RABL6: variants seen among roughly 807,000 people sequenced by gnomAD.
RABL6 encodes RAB, member RAS oncogene family like 6.
In RABL6, 28 loss-of-function variants were observed where a neutral mutation model predicts 72.9. That is an observed-to-expected ratio of 0.38 (90% confidence interval 0.28 to 0.53). RABL6 has a LOEUF of 0.53. Among genes scored for constraint, RABL6 ranks in the 20% least tolerant of loss-of-function variants. The pLI is 0.80. For missense variants in RABL6, 1,029 were observed against 1,008.4 expected, an observed-to-expected ratio of 1.02 and a Z score of -0.28; for synonymous variants, 477 against 421.2, an observed-to-expected ratio of 1.13 and a Z score of -1.62.
chr9:136,813,363 G>GT, intron 1 of RABL6: 3 of 943,832 alleles, frequency 3.2e-6, no homozygotes, highest in East Asian at 5.3e-5. Context: ...TTTCTGAAGA[G>GT]TTTCTTCTGT....
chr9:136,837,817 G>A, intron 9 of RABL6, 45 bp from the exon 10 acceptor site: 1 of 1,543,760 alleles, frequency 6.5e-7, no homozygotes, highest in Non-Finnish European at 8.7e-7. Context: ...GGTGCAGTGA[G>A]GGTTCTGGTG....
intron 1 of RABL6, among the ~76,000 whole-genome samples, chr9:136,810,581 T>G (rs931688070): frequency 6.6e-6 from 1 of 152,182 alleles, no homozygotes; most frequent in Non-Finnish European, 1.5e-5. Context: ...TTGCTGTGTC[T>G]CCCAGGCTGG....
Position 136,808,172 on chromosome 9 carries a change from C to A in RABL6, c.-25C>A. The A allele has an allele frequency of 6.7e-7, 1 of 1,485,100 alleles. No homozygotes were observed. Among genetic ancestry groups the A allele is most frequent in the Non-Finnish European group, 9.0e-7 (1 of 1,115,678 alleles). 92.0% of individuals were successfully genotyped at this position (1,485,100 alleles called of 1,614,324 possible). A position where few individuals can be genotyped will look rare whatever the true frequency, so the allele number is the denominator to read the frequency against. Reference sequence around the variant, plus strand: ...CGCCGCTGAGCTCGCCGGCCGCGCCCGGGCTGGGACGTCCGAGCGGGAAGA... The same window carrying A: ...CGCCGCTGAGCTCGCCGGCCGCGCCAGGGCTGGGACGTCCGAGCGGGAAGA... On this transcript the variant is annotated 5_prime_UTR_variant, in exon 1 of 15. Transcript: ENST00000311502.
At chr9:136,834,013 G>C (rs539784618) in intron 7 of RABL6, 71 of 1,488,112 alleles carry the variant, frequency 4.8e-5, no homozygotes, top group Non-Finnish European at 6.4e-5. Flanking sequence ...CGGGACCCTG[G>C]ACAGAGTCTT....
chr9:136,839,563 A>G, intron 12 of RABL6, 77 bp downstream of exon 12: 5 of 1,557,120 alleles, frequency 3.2e-6, no homozygotes, highest in Non-Finnish European at 4.4e-6. Flanking sequence ...GGGTGGGTGC[A>G]GTGGGAGGAG....
Position 136,828,548 on chromosome 9 carries a change from T to G in RABL6, c.366+2T>G. 6.2e-7 allele frequency: 1 copy of G among 1,613,046 alleles called. No homozygotes were observed. Among genetic ancestry groups the G allele is most frequent in the Non-Finnish European group, 8.5e-7 (1 of 1,179,704 alleles). On this transcript the variant is annotated splice_donor_variant, in intron 4 of 14. Coordinates refer to ENST00000311502, the MANE Select transcript of RABL6 (RefSeq NM_024718.5). LOFTEE classifies it high-confidence loss of function. ...AAGATGGAGAACGACCCCCAGGAGG[T>G]GAGTGCCAGGTACACAGTGGGTAGC...
Position 136,836,039 on chromosome 9 carries a change from G to C in RABL6, c.809+194G>C, listed in dbSNP as rs559325811. The C allele has an allele frequency of 8.3e-4, 481 of 582,906 alleles. 1 individual carries two copies. Among genetic ancestry groups the C allele is most frequent in the African/African-American group, 8.0e-3 (425 of 53,402 alleles). The allele number at this position is 582,906 out of a possible 1,614,324, so 36.1% of individuals were successfully genotyped here. The stretch of plus-strand genomic sequence containing the variant: ...AGCAGCCCCCCCACAGTCACCCCTG[G>C]CGTGGACTCCTCATACAGGTCATGC... On this transcript the variant is annotated intron_variant, in intron 8 of 14. Transcript: ENST00000311502.
rs1223065995 is a variant in RABL6, at chr9:136,826,016, C to T, written c.313+190C>T. ...GCGTGGCGCAGCCCCTCCTGTGGCA[C>T]TGCATGCTTTGCTGCTTTAGCATAC... On this transcript the variant is annotated intron_variant, in intron 3 of 14. Transcript: ENST00000311502. The surrounding 1 kb of genome is among the most constrained non-coding windows in gnomAD (Gnocchi z 4.9). 6.6e-6 allele frequency among the ~76,000 whole-genome samples: 1 copy of T among 152,212 alleles called. No homozygotes were observed. The highest frequency in any genetic ancestry group is 1.5e-5 in the Non-Finnish European group (1 of 68,026).
intron 5 of RABL6, chr9:136,830,808 CCCTGTTGG>C (rs1326745011): frequency 6.6e-6 from 1 of 152,450 alleles, no homozygotes; most frequent in Non-Finnish European, 1.5e-5. Flanking sequence ...GGCCCGGAGA[CCCTGTTGG>C]CAGCACCAGC....
At chr9:136,829,015 C>T (rs77570691) in intron 4 of RABL6, among the ~76,000 whole-genome samples, 4,550 of 152,314 alleles carry the variant, frequency 0.03, 181 homozygotes, top group African/African-American at 0.093. Flanking sequence ...CACAGCACTG[C>T]AGCTAACCCT....
chr9:136,831,316 G>A lies in RABL6; in HGVS notation c.459-405G>A, dbSNP rs529016462. 3.2e-3 allele frequency among the ~76,000 whole-genome samples: 487 copies of A among 152,298 alleles called. 4 individuals are homozygous for A. The highest frequency in any genetic ancestry group is 0.011 in the African/African-American group (463 of 41,554). On this transcript the variant is annotated intron_variant, in intron 5 of 14. Transcript: ENST00000311502. ...ACCCCAGGGTGTCCTCGGCTGCCCC[G>A]GTGGGCAGGGAGCCTGGAGGACCAG...
At chr9:136,810,806 G>T (rs1847995219) in intron 1 of RABL6, among the ~76,000 whole-genome samples, 1 of 152,236 alleles carries the variant, frequency 6.6e-6, no homozygotes, top group African/African-American at 2.4e-5. Context: ...CTCTCAAAGT[G>T]CTGGGATTAC....
At chr9:136,810,301 C>T (rs368006828) in intron 1 of RABL6, among the ~76,000 whole-genome samples, 38 of 152,132 alleles carry the variant, frequency 2.5e-4, no homozygotes, top group South Asian at 8.3e-4. Flanking sequence ...TGGTCCTGGG[C>T]GAGTGTGACT....
chr9:136,807,974 C>T lies in RABL6; in HGVS notation c.-223C>T, dbSNP rs1457068782. 12 of 1,003,766 alleles carry T rather than the reference C, an allele frequency of 1.2e-5. No homozygotes were observed. Among genetic ancestry groups the T allele is most frequent in the African/African-American group, 3.5e-5 (2 of 57,354 alleles). 62.2% of individuals were successfully genotyped at this position (1,003,766 alleles called of 1,614,324 possible). ...GATGGCGGCGCTGACTCCTGGAGAG[C>T]GGTCGCGCCGGAGGCCGCGGGGGCC... is the stretch of plus-strand genomic sequence containing the variant. On this transcript the variant is annotated 5_prime_UTR_variant, in exon 1 of 15. Coordinates refer to ENST00000311502, the MANE Select transcript of RABL6 (RefSeq NM_024718.5).
intron 7 of RABL6, chr9:136,833,046 C>T (rs1187401232): frequency 3.1e-6 from 1 of 325,632 alleles, no homozygotes; most frequent in East Asian, 9.5e-5. Context: ...CCCTGGGCTG[C>T]CCCAGCTGGG....
chr9:136,832,829 C>T (rs1343603119), intron 7 of RABL6: 5 of 314,922 alleles, frequency 1.6e-5, no homozygotes, highest in Admixed American at 9.2e-5. Context: ...GTGCTTGTGT[C>T]AAAACCAAGG....
At chr9:136,834,776 C>G (rs1848555336) in intron 7 of RABL6, among the ~76,000 whole-genome samples, 1 of 152,022 alleles carries the variant, frequency 6.6e-6, no homozygotes, top group Non-Finnish European at 1.5e-5. Flanking sequence ...CCACGCCCAG[C>G]CTCACATTTT....
Position 136,840,818 on chromosome 9 carries a change from G to C in RABL6, c.*296G>C. The C allele has an allele frequency of 6.5e-7, 1 of 1,546,758 alleles. No individual in the cohort carries two copies. ...CAGTGTTTCTCAGGGATGTGACTGA[G>C]GCCCAGGAGGGACCTGTGAGGGTCT... On this transcript the variant is annotated 3_prime_UTR_variant, in exon 15 of 15. Transcript: ENST00000311502.
rs371358921 is a variant in RABL6, at chr9:136,832,287, C to G, written c.622C>G (p.Arg208Gly). 1.9e-6 allele frequency: 3 copies of G among 1,613,846 alleles called. No individual in the cohort carries two copies. The highest frequency in any genetic ancestry group is 2.5e-6 in the Non-Finnish European group (3 of 1,179,810). Residue 208 changes from arginine to glycine, a missense_variant, in exon 7 of 15, where the codon CGC (arginine) becomes GGC (glycine). Arg to Gly is a moderately radical substitution (Grantham distance 125). Transcript: ENST00000311502. The stretch of plus-strand genomic sequence containing the variant: ...CAGACCTCCAGGTTCCTCCTACTTC[C>G]GCTATGCTGAGTCTTCCATGAAGAA... ...LDRPPGSSYFRYAESSMKNSF... is the reference protein window; with the variant it reads ...LDRPPGSSYFGYAESSMKNSF...
Sources: allele counts gnomAD v4.1 joint callset (sites outside exome capture counted in the v4.1 genomes callset), GRCh38; gene constraint gnomAD v4.1.1; non-coding constraint Gnocchi (gnomAD v3.1); transcripts MANE v1.5; gene names NCBI Gene and HGNC (gene_info 2026-07-23, HGNC 2026-07-21).